The following CHST9 variants were observed in gnomAD, a reference collection of about 807,000 sequenced individuals.
The protein encoded by CHST9 is GalNAc-4-sulfotransferase 2.
A neutral mutation model predicts 44.4 loss-of-function variants in CHST9; 41 were observed. The ratio of observed to expected loss-of-function variants is 0.92; its 90% CI spans 0.72 to 1.20. The LOEUF (loss-of-function observed/expected upper bound fraction) is 1.20, where lower values mean the gene tolerates loss of function less well. CHST9 is among the 50% of genes most tolerant of loss of function. The pLI is 0.00. For missense variants in CHST9, 504 were observed against 516.5 expected, an observed-to-expected ratio of 0.98 and a Z score of 0.23; for synonymous variants, 171 against 178.4, an observed-to-expected ratio of 0.96 and a Z score of 0.33.
At chr18:27,175,789 A>C (rs2058863683) in intron 1 of CHST9, among the ~76,000 whole-genome samples, 1 of 152,050 alleles carries the variant, frequency 6.6e-6, no homozygotes, top group Non-Finnish European at 1.5e-5. Context: ...TTTGTTAGGA[A>C]TACAAGGACC....
rs190009787 is a variant in CHST9 at position 26,995,355 on chromosome 18, A to G, written c.202+28761T>C. 2.0e-5 allele frequency among the ~76,000 whole-genome samples: 3 copies of G among 150,556 alleles called. No homozygotes were observed. In the East Asian group the frequency reaches 5.8e-4, roughly 29 times the overall value. ...CGGGAGGCTGATGCAGGAGAATGGC[A>G]TGAACCCGGGAGGCGGAGCTTGCAG... On this transcript the variant is annotated intron_variant, in intron 4 of 5. Coordinates refer to ENST00000618847, the MANE Select transcript of CHST9 (RefSeq NM_031422.6).
intron 4 of CHST9, among the ~76,000 whole-genome samples, chr18:26,961,182 A>G (rs886264539): frequency 7.9e-5 from 12 of 152,208 alleles, no homozygotes; most frequent in African/African-American, 2.7e-4. Flanking sequence ...TTCTGCTTTC[A>G]GTGTCCAGCT....
rs907341999 is a variant in CHST9, at chr18:26,909,988, C to G, written c.*6271G>C. On this transcript the variant is annotated 3_prime_UTR_variant, in exon 6 of 6. Coordinates refer to ENST00000618847, the MANE Select transcript of CHST9 (RefSeq NM_031422.6). ...TTTAGAGTTGAGGAAGCGGGCACAC[C>G]TGCAAAACAGAAGAGATTTTTGGAT... The G allele has an allele frequency of 3.9e-5, 6 of 152,076 alleles. No individual in the cohort carries two copies. Among genetic ancestry groups the G allele is most frequent in the African/African-American group, 1.5e-4 (6 of 41,378 alleles). 9.4% of individuals were successfully genotyped at this position (152,076 alleles called of 1,614,324 possible). A position where few individuals can be genotyped will look rare whatever the true frequency, so the allele number is the denominator to read the frequency against.
At chr18:27,062,820 C>T (rs560950078) in intron 2 of CHST9, among the ~76,000 whole-genome samples, 1 of 152,278 alleles carries the variant, frequency 6.6e-6, no homozygotes, top group Admixed American at 6.5e-5. Flanking sequence ...TCTCCAACAC[C>T]TGTTGTTTCC....
At chr18:26,950,360 C>T (rs1024185720) in intron 4 of CHST9, among the ~76,000 whole-genome samples, 1 of 152,160 alleles carries the variant, frequency 6.6e-6, no homozygotes, top group Non-Finnish European at 1.5e-5. Flanking sequence ...TAAGGAACAA[C>T]ATAGCTACTC....
intron 2 of CHST9, among the ~76,000 whole-genome samples, chr18:27,120,147 T>A (rs545085686): frequency 9.8e-5 from 15 of 152,328 alleles, no homozygotes; most frequent in Admixed American, 3.9e-4. Flanking sequence ...AGTTAACCAA[T>A]GATGAAACCG....
intron 2 of CHST9, among the ~76,000 whole-genome samples, chr18:27,139,181 C>G (rs1049881822): frequency 4.6e-5 from 7 of 152,126 alleles, no homozygotes; most frequent in Admixed American, 4.6e-4. Context: ...AGAAAATAGT[C>G]CATATCTTAG....
chr18:26,926,411 A>G (rs2055768854), intron 5 of CHST9, among the ~76,000 whole-genome samples: 1 of 152,178 alleles, frequency 6.6e-6, no homozygotes, highest in Admixed American at 6.5e-5. Context: ...TTTCTATTGG[A>G]AACAGTGCTC....
chr18:27,168,206 C>T (rs1294730178), intron 1 of CHST9, among the ~76,000 whole-genome samples: 1 of 151,986 alleles, frequency 6.6e-6, no homozygotes. Flanking sequence ...TCTTGAGTAG[C>T]TGGGACTACA....
intron 1 of CHST9, among the ~76,000 whole-genome samples, chr18:27,183,870 G>A (rs2058933298): frequency 6.6e-6 from 1 of 152,052 alleles, no homozygotes. Context: ...ATGGTGTTAT[G>A]ATTAGGTACT....
At chr18:27,048,385 T>C (rs1162771668) in intron 3 of CHST9, 80 bp downstream of exon 3, 5 of 1,080,900 alleles carry the variant, frequency 4.6e-6, no homozygotes, top group Admixed American at 2.1e-5. Flanking sequence ...GTGTGAATTT[T>C]TGAATAATAA....
chr18:27,146,639 T>A lies in CHST9; in HGVS notation c.-96-3734A>T, dbSNP rs188647990. 2.6e-5 allele frequency among the ~76,000 whole-genome samples: 4 copies of A among 152,316 alleles called. No individual in the cohort carries two copies. The East Asian group carries it at 7.7e-4, about 29-fold the overall frequency. On this transcript the variant is annotated intron_variant, in intron 1 of 5. Coordinates refer to ENST00000618847, the MANE Select transcript of CHST9 (RefSeq NM_031422.6). ...TCCTGTATTTTGTACAACTCCTTCT[T>A]CTCCCTTCCCATAAACAGAATATCT...
chr18:27,129,391 T>G (rs566075275), intron 2 of CHST9, among the ~76,000 whole-genome samples: 3 of 152,210 alleles, frequency 2.0e-5, no homozygotes, highest in Non-Finnish European at 4.4e-5. Flanking sequence ...ATTTTTATTT[T>G]TATTTTTAGA....
At chr18:27,043,449 C>G (rs2057467048) in intron 3 of CHST9, among the ~76,000 whole-genome samples, 1 of 151,982 alleles carries the variant, frequency 6.6e-6, no homozygotes, top group Non-Finnish European at 1.5e-5. Context: ...TGTCTCTCTC[C>G]CCGTATTCCC....
At chr18:27,084,838 T>A (rs1370112787) in intron 2 of CHST9, among the ~76,000 whole-genome samples, 1 of 152,086 alleles carries the variant, frequency 6.6e-6, no homozygotes, top group Non-Finnish European at 1.5e-5. Context: ...CCAGAGATAC[T>A]AGTATGCTGT....
At chr18:27,086,799 A>G (rs867099045) in intron 2 of CHST9, among the ~76,000 whole-genome samples, 1 of 152,192 alleles carries the variant, frequency 6.6e-6, no homozygotes, top group Non-Finnish European at 1.5e-5. Context: ...TAAAGCCTTA[A>G]TGAGTACTCA....
intron 1 of CHST9, among the ~76,000 whole-genome samples, chr18:27,168,158 C>T (rs9646564): frequency 0.77 from 115,602 of 150,730 alleles, 44,556 homozygotes; most frequent in East Asian, 0.92. Context: ...CACTGCAAGC[C>T]CCGCCTCCCG....
In CHST9 at chr18:26,916,197, T is replaced by G; in HGVS notation, c.*62A>C. 1 of 1,251,352 alleles carries G rather than the reference T, an allele frequency of 8.0e-7. No individual in the cohort carries two copies. The highest frequency in any genetic ancestry group is 1.1e-6 in the Non-Finnish European group (1 of 898,514). The allele number at this position is 1,251,352 out of a possible 1,614,324, so 77.5% of individuals were successfully genotyped here. ...TGTCATACAGAGAATTATAGAAAAA[T>G]TACAGCTGATTTGAACTTATCATCA... On this transcript the variant is annotated 3_prime_UTR_variant, in exon 6 of 6. Transcript: ENST00000618847.
intron 2 of CHST9, among the ~76,000 whole-genome samples, chr18:27,099,269 TCAGC>T (rs2058147704): frequency 6.6e-6 from 1 of 152,086 alleles, no homozygotes; most frequent in Non-Finnish European, 1.5e-5. Flanking sequence ...ATTCTGGACA[TCAGC>T]CATGGGAAAT....
Sources: gnomAD v4.1 joint callset for allele counts (sites outside exome capture counted in the v4.1 genomes callset) on GRCh38, gnomAD v4.1.1 for gene constraint, MANE v1.5 for transcripts, NCBI Gene and HGNC (gene_info 2026-07-23, HGNC 2026-07-21) for gene names.